The following BCL2 variants were observed in gnomAD, a reference collection of about 807,000 sequenced individuals.
BCL2 encodes BCL2 apoptosis regulator, also known as apoptosis regulator Bcl-2.
Under a neutral mutation model 14.2 loss-of-function variants are expected in BCL2, and 1 was observed. The ratio of observed to expected loss-of-function variants is 0.07; its 90% CI spans 0.02 to 0.33. BCL2 has a LOEUF of 0.33. Among genes scored for constraint, BCL2 ranks in the 10% least tolerant of loss-of-function variants. BCL2 has a pLI of 0.99. For synonymous variants in BCL2, 151 were observed against 137.2 expected, an observed-to-expected ratio of 1.10 and a Z score of -0.70; for missense variants, 247 against 305.9, an observed-to-expected ratio of 0.81 and a Z score of 1.44.
At position 63,178,592 on chromosome 18, in the gene BCL2, T is replaced by A. The variant is rs190004163; in HGVS notation, c.586-49833A>T. On this transcript the variant is annotated intron_variant, in intron 2 of 2. Transcript: ENST00000333681. ...GGGCTGAGAATCTCCCAAACAAGAT[T>A]TTAGAATTTTATCCAAACAGCTGCA... Among the ~76,000 whole-genome samples the A allele has an allele frequency of 2.6e-5, 4 of 152,124 alleles. No homozygotes were observed. The East Asian group carries it at 7.7e-4, about 29-fold the overall frequency.
chr18:63,315,200 T>G (rs1443434992), intron 2 of BCL2: 2 of 152,262 alleles, frequency 1.3e-5, no homozygotes, highest in African/African-American at 2.4e-5. Flanking sequence ...GGGATGCATG[T>G]GCTACTGTCT....
chr18:63,241,148 T>C (rs1599263841), intron 2 of BCL2, among the ~76,000 whole-genome samples: 1 of 152,270 alleles, frequency 6.6e-6, no homozygotes, highest in Non-Finnish European at 1.5e-5. Flanking sequence ...TGAGCAAGAT[T>C]TGGCCCACAG....
chr18:63,273,945 G>C (rs1009627760), intron 2 of BCL2, among the ~76,000 whole-genome samples: 2 of 152,118 alleles, frequency 1.3e-5, no homozygotes, highest in African/African-American at 4.8e-5. Flanking sequence ...CTTCACAAAG[G>C]AATAAAAACA....
At chr18:63,143,873 G>T (rs1371352259) in intron 2 of BCL2, among the ~76,000 whole-genome samples, 1 of 152,230 alleles carries the variant, frequency 6.6e-6, no homozygotes, top group Non-Finnish European at 1.5e-5. Flanking sequence ...ACAGCATTGT[G>T]CAGAGTGCTG....
intron 2 of BCL2, among the ~76,000 whole-genome samples, chr18:63,185,330 TCTGA>T (rs1392143647): frequency 6.6e-6 from 1 of 152,240 alleles, no homozygotes; most frequent in Non-Finnish European, 1.5e-5. Context: ...GGTTCTAACG[TCTGA>T]CTATTTGTGA....
chr18:63,237,452 C>G (rs1910872520), intron 2 of BCL2, among the ~76,000 whole-genome samples: 1 of 152,206 alleles, frequency 6.6e-6, no homozygotes, highest in Non-Finnish European at 1.5e-5. Flanking sequence ...TGATTTCTTG[C>G]AGTCCTGGCT....
chr18:63,203,515 T>C (rs1331583487), intron 2 of BCL2, among the ~76,000 whole-genome samples: 1 of 152,238 alleles, frequency 6.6e-6, no homozygotes, highest in African/African-American at 2.4e-5. Flanking sequence ...TGTATATCTT[T>C]AGAAGCTAAG....
At chr18:63,184,809 G>A (rs1364408751) in intron 2 of BCL2, among the ~76,000 whole-genome samples, 1 of 152,162 alleles carries the variant, frequency 6.6e-6, no homozygotes, top group African/African-American at 2.4e-5. Flanking sequence ...GATGACATCC[G>A]AGTAAGTTGT....
At chr18:63,275,979 G>C (rs1568254933) in intron 2 of BCL2, among the ~76,000 whole-genome samples, 2 of 152,264 alleles carry the variant, frequency 1.3e-5, no homozygotes, top group Non-Finnish European at 2.9e-5. Flanking sequence ...AGTGATGGTT[G>C]AAACCTGCTT....
chr18:63,180,524 C>T (rs1203174575), intron 2 of BCL2, among the ~76,000 whole-genome samples: 3 of 146,950 alleles, frequency 2.0e-5, no homozygotes, highest in Non-Finnish European at 3.0e-5. Context: ...CACCCCAGAC[C>T]GCCCATCCCA....
intron 2 of BCL2, among the ~76,000 whole-genome samples, chr18:63,191,725 T>C (rs1173804623): frequency 6.6e-6 from 1 of 152,224 alleles, no homozygotes; most frequent in Non-Finnish European, 1.5e-5. Flanking sequence ...GATTCTGAAA[T>C]CTGTGCCAGA....
chr18:63,255,651 C>T (rs1358232358), intron 2 of BCL2, among the ~76,000 whole-genome samples: 1 of 152,166 alleles, frequency 6.6e-6, no homozygotes, highest in Non-Finnish European at 1.5e-5. Flanking sequence ...GGGCTACTCA[C>T]TTCTTAACCT....
intron 2 of BCL2, among the ~76,000 whole-genome samples, chr18:63,290,379 A>G (rs911384317): frequency 6.6e-6 from 1 of 151,514 alleles, no homozygotes; most frequent in Admixed American, 6.6e-5. Flanking sequence ...CAAGAGAATC[A>G]GGAAAAAAAA....
At chr18:63,260,968 AAAG>A (rs988328301) in intron 2 of BCL2, among the ~76,000 whole-genome samples, 1 of 152,250 alleles carries the variant, frequency 6.6e-6, no homozygotes, top group African/African-American at 2.4e-5. Context: ...CAAAGAATTA[AAAG>A]AAGAAGAACA....
chr18:63,226,454 A>C (rs781562080), intron 2 of BCL2, among the ~76,000 whole-genome samples: 11 of 152,304 alleles, frequency 7.2e-5, no homozygotes, highest in Non-Finnish European at 1.2e-4. Flanking sequence ...CATAAAACTG[A>C]AAACAATCTG....
chr18:63,196,421 A>T (rs936075148), intron 2 of BCL2, among the ~76,000 whole-genome samples: 3 of 152,180 alleles, frequency 2.0e-5, no homozygotes, highest in Non-Finnish European at 4.4e-5. Context: ...ATAAAGAAGG[A>T]GGGGGGAGTT....
At chr18:63,245,698 A>G (rs1911132719) in intron 2 of BCL2, among the ~76,000 whole-genome samples, 1 of 152,160 alleles carries the variant, frequency 6.6e-6, no homozygotes, top group African/African-American at 2.4e-5. Context: ...ATGTGATGCT[A>G]TATACATGAT....
intron 2 of BCL2, among the ~76,000 whole-genome samples, chr18:63,261,875 G>A (rs1376012143): frequency 6.6e-6 from 1 of 151,790 alleles, no homozygotes. Flanking sequence ...TACCTCCCAG[G>A]TTCAAGCAAT....
At chr18:63,300,187 G>T (rs1218688284) in intron 2 of BCL2, among the ~76,000 whole-genome samples, 2 of 152,146 alleles carry the variant, frequency 1.3e-5, no homozygotes, top group Non-Finnish European at 2.9e-5. Context: ...GAATAATTTA[G>T]ATGCAGTAAG....
Sources: allele counts gnomAD v4.1 joint callset (sites outside exome capture counted in the v4.1 genomes callset), GRCh38; gene constraint gnomAD v4.1.1; transcripts MANE v1.5; gene names NCBI Gene and HGNC (gene_info 2026-07-23, HGNC 2026-07-21).